ROBO1: variants seen among roughly 807,000 people sequenced by gnomAD.
The protein encoded by ROBO1 is roundabout guidance receptor 1.
Under a neutral mutation model 195.9 loss-of-function variants are expected in ROBO1, and 149 were observed. That is an observed-to-expected ratio of 0.76 (90% confidence interval 0.67 to 0.87). The LOEUF is 0.87. ROBO1 is among the 40% of genes least tolerant of loss of function. The pLI is 0.00. For synonymous variants in ROBO1, 816 were observed against 733.2 expected, an observed-to-expected ratio of 1.11 and a Z score of -1.82; for missense variants, 1,933 against 2,068.3, an observed-to-expected ratio of 0.93 and a Z score of 1.27.
chr3:79,090,016 T>C (rs1284845408), intron 3 of ROBO1, among the ~76,000 whole-genome samples: 1 of 151,640 alleles, frequency 6.6e-6, no homozygotes, highest in Non-Finnish European at 1.5e-5. Context: ...CTTGGCTCAC[T>C]GCAACCTCCA....
chr3:79,315,860 T>C (rs2033706710), intron 2 of ROBO1, among the ~76,000 whole-genome samples: 1 of 152,144 alleles, frequency 6.6e-6, no homozygotes, highest in Admixed American at 6.5e-5. Context: ...AGAGTAATGA[T>C]AGAGTCAGCA....
intron 2 of ROBO1, among the ~76,000 whole-genome samples, chr3:79,467,671 C>T (rs1449058875): frequency 6.6e-6 from 1 of 152,118 alleles, no homozygotes; most frequent in Non-Finnish European, 1.5e-5. Flanking sequence ...AATAAAATCC[C>T]TCACATTTAC....
chr3:79,276,194 G>A (rs796079103), intron 2 of ROBO1, among the ~76,000 whole-genome samples: 11 of 152,050 alleles, frequency 7.2e-5, no homozygotes, highest in African/African-American at 2.6e-4. Flanking sequence ...AACAAAACTG[G>A]AGAAATCACA....
chr3:79,414,072 A>G (rs1032325961), intron 2 of ROBO1, among the ~76,000 whole-genome samples: 2 of 152,112 alleles, frequency 1.3e-5, no homozygotes, highest in Non-Finnish European at 2.9e-5. Context: ...CTAATAATGT[A>G]TAATAGCTGA....
intron 4 of ROBO1, among the ~76,000 whole-genome samples, chr3:78,859,117 G>A (rs909685760): frequency 2.6e-5 from 4 of 152,156 alleles, no homozygotes; most frequent in African/African-American, 4.8e-5. Flanking sequence ...CTGAAGTACC[G>A]CAGGAGGAAG....
intron 3 of ROBO1, among the ~76,000 whole-genome samples, chr3:79,012,015 C>G (rs1170864873): frequency 6.6e-6 from 1 of 152,140 alleles, no homozygotes; most frequent in Non-Finnish European, 1.5e-5. Flanking sequence ...GTCCCCAGCT[C>G]TCAGGTCCTG....
intron 2 of ROBO1, among the ~76,000 whole-genome samples, chr3:79,484,755 C>CTTTTCTTTTTTTTTTT (rs1939062171): frequency 1.5e-5 from 1 of 66,884 alleles, no homozygotes; most frequent in Admixed American, 2.7e-4. Context: ...ATTGCACTAT[C>CTTTTCTTTTTTTTTTT]TTTTTTTTTT....
At chr3:79,273,807 A>G (rs1476747870) in intron 2 of ROBO1, among the ~76,000 whole-genome samples, 1 of 152,038 alleles carries the variant, frequency 6.6e-6, no homozygotes, top group Non-Finnish European at 1.5e-5. Flanking sequence ...AAATAAAGGT[A>G]TGGAAATGAA....
chr3:78,944,032 T>C (rs1327096214), intron 3 of ROBO1, among the ~76,000 whole-genome samples: 1 of 152,162 alleles, frequency 6.6e-6, no homozygotes, highest in African/African-American at 2.4e-5. Context: ...AGAAAAGGAA[T>C]AGAAAAGAAA....
At chr3:79,266,279 T>C (rs968603624) in intron 2 of ROBO1, among the ~76,000 whole-genome samples, 1 of 151,618 alleles carries the variant, frequency 6.6e-6, no homozygotes, top group Non-Finnish European at 1.5e-5. Context: ...GCAATTTTGA[T>C]TAAGGTGTTT....
At chr3:78,984,549 C>G (rs984769066) in intron 3 of ROBO1, among the ~76,000 whole-genome samples, 3 of 152,138 alleles carry the variant, frequency 2.0e-5, no homozygotes, top group African/African-American at 4.8e-5. Flanking sequence ...TAATGCCTTT[C>G]CGGTCCATGC....
chr3:79,135,955 A>G (rs1250718286), intron 2 of ROBO1, among the ~76,000 whole-genome samples: 3 of 152,226 alleles, frequency 2.0e-5, no homozygotes, highest in Non-Finnish European at 1.5e-5. Context: ...TCAATCTTTT[A>G]TGAAAAACAT....
At chr3:78,793,054 G>C (rs762395775) in intron 4 of ROBO1, among the ~76,000 whole-genome samples, 42 of 151,730 alleles carry the variant, frequency 2.8e-4, no homozygotes, top group Middle Eastern at 3.2e-3. Flanking sequence ...CTGAGAGAGG[G>C]AGGTAGCAGT....
Position 79,475,071 on chromosome 3 carries a change from T to C in ROBO1, c.88+114753A>G, listed in dbSNP as rs945489762. Reference sequence around the variant, plus strand: ...ATATATCCTACTGTATACAACAGAATTCTTTTCAGTAATAGTCATAAAATT... The same window carrying C: ...ATATATCCTACTGTATACAACAGAACTCTTTTCAGTAATAGTCATAAAATT... On this transcript the variant is annotated intron_variant, in intron 2 of 30. Transcript: ENST00000464233. 6.6e-5 allele frequency among the ~76,000 whole-genome samples: 10 copies of C among 151,970 alleles called. No homozygotes were observed. In the South Asian group the frequency reaches 1.0e-3, roughly 16 times the overall value.
At chr3:79,602,358 TCTGA>T (rs781201384) in intron 1 of ROBO1, among the ~76,000 whole-genome samples, 2 of 152,056 alleles carry the variant, frequency 1.3e-5, no homozygotes, top group Admixed American at 6.6e-5. Context: ...GAAAATTTTT[TCTGA>T]CTGTCAATTG....
intron 1 of ROBO1, among the ~76,000 whole-genome samples, chr3:79,710,077 C>T (rs1055149172): frequency 6.6e-6 from 1 of 151,726 alleles, no homozygotes; most frequent in African/African-American, 2.4e-5. Context: ...AATTTATGAG[C>T]CAATAAAGAA....
rs373928774 is a variant in ROBO1, at chr3:78,606,754, C to T, written c.4723G>A (p.Ala1575Thr). 1 of 1,613,804 alleles carries T rather than the reference C, an allele frequency of 6.2e-7. No individual in the cohort carries two copies. The highest frequency in any genetic ancestry group is 1.1e-5 in the South Asian group (1 of 91,056). Residue 1575 changes from alanine to threonine, a missense_variant, in exon 29 of 31, where the codon GCA (alanine) becomes ACA (threonine). By Grantham distance (58) the Ala-to-Thr change is moderately conservative (BLOSUM62 0). Transcript: ENST00000464233. ...GTACCTTGGATGAGATGAGTCTTTG[C>T]TGGTGGAAGGTCTCGTTTTGCTGCC... is the stretch of plus-strand genomic sequence containing the variant. The part of the protein sequence containing the change: ...NKAAKRDLPP[A>T]KTHLIQEDIL...
intron 2 of ROBO1, among the ~76,000 whole-genome samples, chr3:79,248,075 C>T (rs1330548987): frequency 1.3e-5 from 2 of 151,982 alleles, no homozygotes; most frequent in African/African-American, 2.4e-5. Context: ...TGTTCTACTG[C>T]AGTTATTAGA....
chr3:79,171,933 C>T (rs935464770), intron 2 of ROBO1, among the ~76,000 whole-genome samples: 3 of 151,922 alleles, frequency 2.0e-5, no homozygotes, highest in African/African-American at 4.8e-5. Flanking sequence ...TTTGGAGAGT[C>T]CATTATCAAA....
Sources: allele counts gnomAD v4.1 joint callset (sites outside exome capture counted in the v4.1 genomes callset), GRCh38; gene constraint gnomAD v4.1.1; transcripts MANE v1.5; gene names NCBI Gene and HGNC (gene_info 2026-07-23, HGNC 2026-07-21).